The following RANBP2 variants were observed in gnomAD, a reference collection of about 807,000 sequenced individuals.
The protein encoded by RANBP2 is RAN binding protein 2.
Under a neutral mutation model 303.6 loss-of-function variants are expected in RANBP2, and 57 were observed. That is an observed-to-expected ratio of 0.19 (90% CI 0.15 to 0.23). RANBP2 has a LOEUF of 0.23. Among genes scored for constraint, RANBP2 ranks in the 10% least tolerant of loss-of-function variants. RANBP2 has a pLI of 1.00. For synonymous variants in RANBP2, 1,167 were observed against 1,301.5 expected, an observed-to-expected ratio of 0.90 and a Z score of 2.23; for missense variants, 3,138 against 3,780.8, an observed-to-expected ratio of 0.83 and a Z score of 4.46.
the RANBP2 span, chr2:108,791,886 T>A: frequency 2.3e-6 from 3 of 1,332,012 alleles, no homozygotes; most frequent in Non-Finnish European, 2.0e-6. Context: ...GTAATAACAC[T>A]GGCCCCCAAG....
chr2:109,126,703 T>G, the RANBP2 span, among the ~76,000 whole-genome samples: 3 of 152,230 alleles, frequency 2.0e-5, no homozygotes, highest in South Asian at 6.2e-4. Flanking sequence ...CAACACACAC[T>G]GCAGGCTCTA....
chr2:108,810,871 G>T, the RANBP2 span, among the ~76,000 whole-genome samples: 1 of 152,056 alleles, frequency 6.6e-6, no homozygotes, highest in African/African-American at 2.4e-5. Context: ...ACTTATGATT[G>T]GTCTGTTCTA....
the RANBP2 span, among the ~76,000 whole-genome samples, chr2:109,624,022 G>A: frequency 6.6e-6 from 1 of 152,218 alleles, no homozygotes; most frequent in Non-Finnish European, 1.5e-5. Flanking sequence ...GCACTGCACA[G>A]CTTGGGAAGG....
the RANBP2 span, among the ~76,000 whole-genome samples, chr2:109,078,101 T>TATATATATATGGC: frequency 2.4e-5 from 1 of 42,156 alleles, no homozygotes; most frequent in Non-Finnish European, 5.4e-5. Flanking sequence ...TATATATATA[T>TATATATATATGGC]ATATATATAT....
the RANBP2 span, among the ~76,000 whole-genome samples, chr2:108,952,783 T>C: frequency 6.6e-6 from 1 of 152,250 alleles, no homozygotes; most frequent in South Asian, 2.1e-4. Context: ...TGTTTTATCA[T>C]ATGCCAGACA....
the RANBP2 span, among the ~76,000 whole-genome samples, chr2:109,098,803 A>G: frequency 1.3e-5 from 2 of 152,326 alleles, no homozygotes; most frequent in South Asian, 4.1e-4. Context: ...GTAAGCAAGT[A>G]TCTGTGTCTG....
chr2:109,724,803 A>C, the RANBP2 span, among the ~76,000 whole-genome samples: 2 of 152,206 alleles, frequency 1.3e-5, no homozygotes, highest in Non-Finnish European at 2.9e-5. Flanking sequence ...CAAAGATAAC[A>C]GAAGAGGGAA....
the RANBP2 span, among the ~76,000 whole-genome samples, chr2:109,765,875 C>T: frequency 6.6e-6 from 1 of 150,728 alleles, no homozygotes; most frequent in Non-Finnish European, 1.5e-5. Context: ...TTAGACTTTA[C>T]TTCATGGTGC....
the RANBP2 span, among the ~76,000 whole-genome samples, chr2:109,660,505 C>T: frequency 1.6e-4 from 24 of 152,182 alleles, no homozygotes; most frequent in Non-Finnish European, 2.1e-4. Flanking sequence ...ACACCAAGAA[C>T]CTGGATGACT....
Position 108,771,731 on chromosome 2 carries a change from C to T in RANBP2, c.7880C>T (p.Pro2627Leu). 1.2e-6 allele frequency: 2 copies of T among 1,613,582 alleles called. No individual in the cohort carries two copies. Among genetic ancestry groups the T allele is most frequent in the Non-Finnish European group, 1.7e-6 (2 of 1,179,898 alleles). ...GAGAAGAAAAAACCTGAAGATTCTC[C>T]CTCAGATGATGATGTTCTCATTGTA... ...AKEKKKPEDSPSDDDVLIVYE... is the reference protein window; with the variant it reads ...AKEKKKPEDSLSDDDVLIVYE... Residue 2627 changes from proline to leucine, a missense_variant, in exon 21 of 29, where the codon CCC becomes CTC. Around this residue, in one of 20 missense-constraint regions of RANBP2, gnomAD observed 497 missense variants for 465.8 expected, o/e 1.07. Coordinates refer to ENST00000283195, the MANE Select transcript of RANBP2 (RefSeq NM_006267.5).
chr2:109,398,755 G>A, the RANBP2 span: 39 of 1,613,530 alleles, frequency 2.4e-5, no homozygotes, highest in Non-Finnish European at 3.1e-5. Flanking sequence ...GCGGCGTGTG[G>A]ATGGCAAGAA....
At chr2:108,912,722 G>T in the RANBP2 span, 1 of 1,603,166 alleles carries the variant, frequency 6.2e-7, no homozygotes, top group South Asian at 1.1e-5. Context: ...GCTGCCCGAG[G>T]TGCCAGGGAA....
At chr2:108,835,077 A>T in the RANBP2 span, among the ~76,000 whole-genome samples, 1 of 152,228 alleles carries the variant, frequency 6.6e-6, no homozygotes, top group Non-Finnish European at 1.5e-5. Flanking sequence ...GTCAGAAAAC[A>T]TATCTGCTGC....
At chr2:108,815,205 G>A in the RANBP2 span, among the ~76,000 whole-genome samples, 1,922 of 152,122 alleles carry the variant, frequency 0.013, 49 homozygotes, top group African/African-American at 0.045. Context: ...AGAAAGATAA[G>A]TTTCATAGTG....
At chr2:109,680,605 C>T in the RANBP2 span, among the ~76,000 whole-genome samples, 1 of 152,250 alleles carries the variant, frequency 6.6e-6, no homozygotes, top group African/African-American at 2.4e-5. Flanking sequence ...TAGTTAACAA[C>T]CACTTATTAT....
chr2:108,929,365 G>A, the RANBP2 span: 3 of 1,613,994 alleles, frequency 1.9e-6, no homozygotes, highest in Admixed American at 1.7e-5. Flanking sequence ...CGTCTTTGGT[G>A]CCGTAGCCAC....
the RANBP2 span, among the ~76,000 whole-genome samples, chr2:109,701,929 T>C: frequency 1.3e-5 from 2 of 152,258 alleles, no homozygotes; most frequent in African/African-American, 4.8e-5. Flanking sequence ...TGACTATACT[T>C]GTGTGCTGTT....
intron 26 of RANBP2, among the ~76,000 whole-genome samples, chr2:108,781,884 G>T (rs1678279383): frequency 6.6e-6 from 1 of 152,080 alleles, no homozygotes; most frequent in African/African-American, 2.4e-5. Context: ...ATAAAGAAAA[G>T]CATTTAATTT....
the RANBP2 span, among the ~76,000 whole-genome samples, chr2:109,532,159 T>C: frequency 6.6e-6 from 1 of 152,224 alleles, no homozygotes; most frequent in Non-Finnish European, 1.5e-5. Context: ...GGATGTAGCA[T>C]GATCTTGGGA....
Sources: gnomAD v4.1 joint callset for allele counts (sites outside exome capture counted in the v4.1 genomes callset) on GRCh38, gnomAD v4.1.1 for gene constraint, gnomAD v4.1.1 regional missense constraint, MANE v1.5 for transcripts, NCBI Gene and HGNC (gene_info 2026-07-23, HGNC 2026-07-21) for gene names.